VAV2: variants seen among roughly 807,000 people sequenced by gnomAD.
VAV2 encodes the protein guanine nucleotide exchange factor VAV2.
VAV2 carries 67 observed loss-of-function variants against 132.5 expected under a neutral mutation model. The ratio of observed to expected loss-of-function variants is 0.51; its 90% CI spans 0.42 to 0.62. The LOEUF (loss-of-function observed/expected upper bound fraction) is 0.62, where lower values mean the gene tolerates loss of function less well. Ranked by LOEUF, VAV2 falls within the 20% of genes least tolerant of loss-of-function variation. The probability of loss-of-function intolerance (pLI) is 0.00; values close to 1 mark genes in which losing one functional copy is unlikely to be tolerated. For synonymous variants in VAV2, 492 were observed against 443.5 expected (o/e 1.11, Z -1.37); for missense variants, 938 against 1,153.6 (o/e 0.81, Z 2.71).
chr9:133,781,839 C>T (rs1588165995), intron 19 of VAV2, among the ~76,000 whole-genome samples: 1 of 152,182 alleles, frequency 6.6e-6, no homozygotes, highest in South Asian at 2.1e-4. Flanking sequence ...CCAGCCAGGG[C>T]GCTGCCAGGA....
chr9:133,841,108 T>G (rs979798543), intron 3 of VAV2, among the ~76,000 whole-genome samples: 1 of 151,992 alleles, frequency 6.6e-6, no homozygotes, highest in Non-Finnish European at 1.5e-5. Context: ...CCCAGGCAGG[T>G]AGCAGGTGCC....
intron 1 of VAV2, among the ~76,000 whole-genome samples, chr9:133,972,366 G>A (rs914755337): frequency 7.2e-5 from 11 of 152,220 alleles, no homozygotes; most frequent in Admixed American, 1.3e-4. Context: ...CAGCCCAGGC[G>A]CTGCGATGCT....
At chr9:133,874,455 G>C (rs972609744) in intron 2 of VAV2, among the ~76,000 whole-genome samples, 1 of 152,186 alleles carries the variant, frequency 6.6e-6, no homozygotes, top group Non-Finnish European at 1.5e-5. Context: ...GGCTGCAGAC[G>C]AGCCGCATCA....
chr9:133,862,803 C>T (rs2131872540), intron 2 of VAV2, among the ~76,000 whole-genome samples: 1 of 152,344 alleles, frequency 6.6e-6, no homozygotes, highest in African/African-American at 2.4e-5. Context: ...AGCTCCCCAG[C>T]CAGATGCACT....
intron 1 of VAV2, among the ~76,000 whole-genome samples, chr9:133,955,269 G>A (rs1841714554): frequency 6.6e-6 from 1 of 151,906 alleles, no homozygotes; most frequent in Non-Finnish European, 1.5e-5. Context: ...ACATAGTCAT[G>A]CCACCCTCCA....
At chr9:133,775,448 A>G (rs1833779160) in intron 24 of VAV2, among the ~76,000 whole-genome samples, 1 of 152,268 alleles carries the variant, frequency 6.6e-6, no homozygotes, top group Non-Finnish European at 1.5e-5. Flanking sequence ...CAGTAAAGGC[A>G]TAACTGCTTA....
chr9:133,950,943 C>T (rs3780786), intron 1 of VAV2, among the ~76,000 whole-genome samples: 4 of 152,100 alleles, frequency 2.6e-5, no homozygotes, highest in Admixed American at 1.3e-4. Context: ...AAGCAGAGGG[C>T]GCGATTCTTC....
chr9:133,981,143 C>T (rs1190511349), intron 1 of VAV2, among the ~76,000 whole-genome samples: 2 of 152,156 alleles, frequency 1.3e-5, no homozygotes, highest in African/African-American at 4.8e-5. Context: ...TTCAGCGTCC[C>T]GTGTTGCCAG....
chr9:133,930,428 C>A (rs1158082275), intron 2 of VAV2, among the ~76,000 whole-genome samples: 1 of 104,400 alleles, frequency 9.6e-6, no homozygotes, highest in East Asian at 3.2e-4. Context: ...CACTGTCCTC[C>A]GGCATCCTCA....
intron 2 of VAV2, among the ~76,000 whole-genome samples, chr9:133,902,334 G>A (rs916864691): frequency 3.3e-5 from 5 of 152,156 alleles, no homozygotes; most frequent in African/African-American, 1.2e-4. Flanking sequence ...CGAAGGCAGA[G>A]CCCTCTGAAT....
intron 1 of VAV2, among the ~76,000 whole-genome samples, chr9:133,970,874 T>C (rs1842309045): frequency 1.3e-5 from 2 of 152,266 alleles, no homozygotes; most frequent in Admixed American, 6.5e-5. Flanking sequence ...TGGCTCTCCC[T>C]GGTTAACAGA....
intron 2 of VAV2, among the ~76,000 whole-genome samples, chr9:133,899,101 G>A (rs2261783): frequency 0.74 from 112,033 of 151,732 alleles, 43,467 homozygotes; most frequent in East Asian, 0.98. Flanking sequence ...GATTACAGGC[G>A]TGAGCCACCG....
At position 133,846,470 on chromosome 9, in the gene VAV2, T is replaced by C. The variant is rs1428682011; in HGVS notation, c.381-12130A>G. Among the ~76,000 whole-genome samples the C allele has an allele frequency of 2.0e-5, 3 of 151,954 alleles. No homozygotes were observed. In the East Asian group the frequency reaches 5.8e-4, roughly 29 times the overall value. On this transcript the variant is annotated intron_variant, in intron 3 of 29. Transcript: ENST00000371850. ...AGGCCAGGCAGGGCCAGAGGAAGGGTCTGGACAAAATCTCAGAGGCCACTG... is the reference window on the plus strand; with the variant it reads ...AGGCCAGGCAGGGCCAGAGGAAGGGCCTGGACAAAATCTCAGAGGCCACTG...
At chr9:133,782,260 A>G (rs1399894015) in intron 19 of VAV2, among the ~76,000 whole-genome samples, 1 of 152,068 alleles carries the variant, frequency 6.6e-6, no homozygotes, top group African/African-American at 2.4e-5. Context: ...TGATAAGTAA[A>G]CATTACCTTT....
chr9:133,860,983 G>A (rs1837570928), intron 3 of VAV2, among the ~76,000 whole-genome samples: 1 of 152,216 alleles, frequency 6.6e-6, no homozygotes, highest in Non-Finnish European at 1.5e-5. Flanking sequence ...CCTAAGCCAG[G>A]CAAGTCCACC....
rs371445821 is a variant in VAV2, at chr9:133,894,967, G to A, written c.322-33535C>T. ...CAGAGCCCTGGCCATCGGTGTCACCGCTGTTGACGTGGGAGGCAGGAGGAA... is the reference window on the plus strand; with the variant it reads ...CAGAGCCCTGGCCATCGGTGTCACCACTGTTGACGTGGGAGGCAGGAGGAA... On this transcript the variant is annotated intron_variant, in intron 2 of 29. Transcript: ENST00000371850. Among the ~76,000 whole-genome samples the A allele has an allele frequency of 1.3e-5, 2 of 152,198 alleles. 1 individual carries two copies. Among genetic ancestry groups the A allele is most frequent in the Admixed American group, 1.3e-4 (2 of 15,280 alleles).
rs1398898872 is a variant in VAV2 at position 133,897,340 on chromosome 9, G to GA, written c.322-35909_322-35908insT. On this transcript the variant is annotated intron_variant, in intron 2 of 29. Coordinates refer to ENST00000371850, the MANE Select transcript of VAV2 (RefSeq NM_001134398.2). ...TCACTGGGTCAGGAGCCCAGCACAG[G>GA]GCACACCCAGGTAGGGAGCCTCACA... Among the ~76,000 whole-genome samples, 5 of 152,072 alleles carry GA rather than the reference G, an allele frequency of 3.3e-5. No individual in the cohort carries two copies. In the East Asian group the frequency reaches 9.6e-4, roughly 29 times the overall value.
In VAV2 at chr9:133,768,433, G is replaced by A. The variant is rs112576600; in HGVS notation, c.2589+9C>T. Reference sequence around the variant, plus strand: ...GCCAGCCCCACACCCTCAGGGTGGGGCCACTCACCCGTCCGTTGGTCTCGC... The same window carrying A: ...GCCAGCCCCACACCCTCAGGGTGGGACCACTCACCCGTCCGTTGGTCTCGC... On this transcript the variant is annotated intron_variant, in intron 29 of 29. Transcript: ENST00000371850. This position sits in a 1 kb window ranked among gnomAD's most constrained non-coding sequence, Gnocchi z 5.3. 2.7e-5 allele frequency: 43 copies of A among 1,611,332 alleles called. No individual in the cohort carries two copies. Among genetic ancestry groups the A allele is most frequent in the Admixed American group, 1.3e-4 (8 of 59,934 alleles).
chr9:133,955,338 G>A (rs182925390), intron 1 of VAV2, among the ~76,000 whole-genome samples: 56 of 151,686 alleles, frequency 3.7e-4, no homozygotes, highest in African/African-American at 1.1e-3. Context: ...TCCTGGCTGC[G>A]GAAGCTGAGT....
Sources: allele counts gnomAD v4.1 joint callset (sites outside exome capture counted in the v4.1 genomes callset), GRCh38; gene constraint gnomAD v4.1.1; non-coding constraint Gnocchi (gnomAD v3.1); transcripts MANE v1.5; gene names NCBI Gene and HGNC (gene_info 2026-07-23, HGNC 2026-07-21).